PAX3: variants seen among roughly 807,000 people sequenced by gnomAD.
PAX3 encodes the protein paired box protein Pax-3.
PAX3 carries 14 observed loss-of-function variants against 51.6 expected under a neutral mutation model. The observed-to-expected ratio is 0.27, with a 90% CI of 0.18 to 0.42. PAX3 has a LOEUF of 0.42. Ranked by LOEUF, PAX3 falls within the 10% of genes least tolerant of loss-of-function variation. The pLI, the probability that PAX3 is intolerant of heterozygous loss-of-function variation, is 1.00. For missense variants in PAX3, 540 were observed against 642.8 expected (o/e 0.84, Z 1.73); for synonymous variants, 280 against 253.4 (o/e 1.11, Z -1.00).
intron 4 of PAX3, among the ~76,000 whole-genome samples, chr2:222,235,366 G>T (rs76741525): frequency 1.3e-5 from 2 of 152,104 alleles, no homozygotes; most frequent in Non-Finnish European, 1.5e-5. Context: ...GCAAATTTCA[G>T]ATTTGCTCCA....
At chr2:222,229,820 T>A (rs1251333460) in intron 5 of PAX3, among the ~76,000 whole-genome samples, 2 of 152,232 alleles carry the variant, frequency 1.3e-5, no homozygotes, top group African/African-American at 4.8e-5. Context: ...TATAATTCCC[T>A]ATTACTAATA....
intron 7 of PAX3, among the ~76,000 whole-genome samples, chr2:222,203,045 ATATATAT>A (rs1188071453): frequency 7.5e-6 from 1 of 133,192 alleles, no homozygotes; most frequent in East Asian, 2.4e-4. Context: ...ATATATATAT[ATATATAT>A]ATATGAAGTG....
chr2:222,254,664 T>C (rs1235026172), intron 4 of PAX3, among the ~76,000 whole-genome samples: 1 of 152,262 alleles, frequency 6.6e-6, no homozygotes, highest in Non-Finnish European at 1.5e-5. Context: ...GATTATTTCA[T>C]ATTGTTTAAT....
intron 4 of PAX3, among the ~76,000 whole-genome samples, chr2:222,279,906 AC>A (rs1694574942): frequency 6.6e-6 from 1 of 152,174 alleles, no homozygotes; most frequent in East Asian, 1.9e-4. Flanking sequence ...ATATACTGGC[AC>A]CCCATTAGAA....
At chr2:222,220,671 C>T (rs1692160101) in intron 6 of PAX3, among the ~76,000 whole-genome samples, 1 of 152,174 alleles carries the variant, frequency 6.6e-6, no homozygotes, top group Non-Finnish European at 1.5e-5. Flanking sequence ...TGAGAATTAA[C>T]CAATATAAGG....
intron 3 of PAX3, among the ~76,000 whole-genome samples, chr2:222,295,092 C>CCTGAGACTCT (rs1385153175): frequency 1.3e-5 from 2 of 152,044 alleles, no homozygotes; most frequent in African/African-American, 4.8e-5. Flanking sequence ...CCGGACCGTC[C>CCTGAGACTCT]CTGAGACTCT....
rs552297397 is a variant in PAX3 at position 222,207,768 on chromosome 2, T to C, written c.1174-5578A>G. Among the ~76,000 whole-genome samples, 4 of 152,246 alleles carry C rather than the reference T, an allele frequency of 2.6e-5. No individual in the cohort carries two copies. The South Asian group carries it at 8.3e-4, about 32-fold the overall frequency. ...GCAATATTCTTTACGGACTGATGAC[T>C]AAAATATAAATCTAGACAGAGAATT... On this transcript the variant is annotated intron_variant, in intron 7 of 8. Transcript: ENST00000392070.
intron 7 of PAX3, among the ~76,000 whole-genome samples, chr2:222,205,224 G>A (rs376552843): frequency 1.1e-4 from 16 of 152,252 alleles, no homozygotes; most frequent in African/African-American, 2.6e-4. Flanking sequence ...TTGCAGAGCC[G>A]TATTAGGGCA....
intron 5 of PAX3, among the ~76,000 whole-genome samples, chr2:222,231,619 T>A (rs1440150380): frequency 1.3e-5 from 2 of 152,230 alleles, no homozygotes; most frequent in Non-Finnish European, 2.9e-5. Context: ...AGACTCACTT[T>A]GCAGCTATGC....
chr2:222,292,119 A>T (rs1695064804), intron 4 of PAX3, among the ~76,000 whole-genome samples: 1 of 151,994 alleles, frequency 6.6e-6, no homozygotes, highest in Admixed American at 6.6e-5. Flanking sequence ...AGCCCAAAAG[A>T]CTAGAAACAT....
chr2:222,277,780 A>G (rs1357241281), intron 4 of PAX3, among the ~76,000 whole-genome samples: 2 of 152,000 alleles, frequency 1.3e-5, no homozygotes, highest in Non-Finnish European at 2.9e-5. Context: ...CCAAAAATAG[A>G]AAAATTAGCC....
At chr2:222,224,758 G>T (rs1051905270) in intron 5 of PAX3, among the ~76,000 whole-genome samples, 2 of 152,102 alleles carry the variant, frequency 1.3e-5, no homozygotes, top group Non-Finnish European at 2.9e-5. Flanking sequence ...TGAATAATCT[G>T]CAGAATGGCA....
intron 7 of PAX3, among the ~76,000 whole-genome samples, chr2:222,215,075 G>A (rs1691899592): frequency 6.6e-6 from 1 of 152,100 alleles, no homozygotes; most frequent in Non-Finnish European, 1.5e-5. Context: ...TATGGGCTCT[G>A]AGGTTGCAAA....
At chr2:222,277,717 C>T (rs1412967021) in intron 4 of PAX3, among the ~76,000 whole-genome samples, 3 of 152,212 alleles carry the variant, frequency 2.0e-5, no homozygotes, top group South Asian at 2.1e-4. Context: ...AGGCGGATCA[C>T]GAGGTCAAGA....
chr2:222,269,100 T>C (rs1011909958), intron 4 of PAX3, among the ~76,000 whole-genome samples: 1 of 152,248 alleles, frequency 6.6e-6, no homozygotes, highest in Non-Finnish European at 1.5e-5. Flanking sequence ...AGTTAAGTGA[T>C]TGACATGGCC....
rs1199255161 is a variant in PAX3, at chr2:222,228,677, G to A, written c.792+3401C>T. On this transcript the variant is annotated intron_variant, in intron 5 of 8. Coordinates refer to ENST00000392070, the MANE Select transcript of PAX3 (RefSeq NM_181458.4). ...GATCTAGTGCCAGTGGCTCACACCTGTAATCTCAACACTTTGAGACGCTGA... is the reference window on the plus strand; with the variant it reads ...GATCTAGTGCCAGTGGCTCACACCTATAATCTCAACACTTTGAGACGCTGA... Among the ~76,000 whole-genome samples, 3 of 152,130 alleles carry A rather than the reference G, an allele frequency of 2.0e-5. No homozygotes were observed. The East Asian group carries it at 5.8e-4, about 29-fold the overall frequency.
Position 222,201,252 on chromosome 2 carries a change from A to C in PAX3, c.*156T>G. 1 of 1,614,024 alleles carries C rather than the reference A, an allele frequency of 6.2e-7. No individual in the cohort carries two copies. Among genetic ancestry groups the C allele is most frequent in the Non-Finnish European group, 8.5e-7 (1 of 1,179,976 alleles). ...GGATTTGAAACCAACTATTGGAGGAAGAAAATCAATCACTCTCCTTTGTCT... is the reference window on the plus strand; with the variant it reads ...GGATTTGAAACCAACTATTGGAGGACGAAAATCAATCACTCTCCTTTGTCT... On this transcript the variant is annotated 3_prime_UTR_variant, in exon 9 of 9. Coordinates refer to ENST00000392070, the MANE Select transcript of PAX3 (RefSeq NM_181458.4).
chr2:222,207,430 A>C (rs1421481462), intron 7 of PAX3, among the ~76,000 whole-genome samples: 1 of 152,196 alleles, frequency 6.6e-6, no homozygotes, highest in Non-Finnish European at 1.5e-5. Flanking sequence ...GAGTTAGGGA[A>C]AGGCCAAGAC....
chr2:222,232,524 C>T (rs1279672654), intron 4 of PAX3, among the ~76,000 whole-genome samples: 3 of 152,124 alleles, frequency 2.0e-5, no homozygotes, highest in Non-Finnish European at 4.4e-5. Context: ...AGTCCTGCAT[C>T]ATTAAATAAT....
Sources: allele counts gnomAD v4.1 joint callset (sites outside exome capture counted in the v4.1 genomes callset), GRCh38; gene constraint gnomAD v4.1.1; transcripts MANE v1.5; gene names NCBI Gene and HGNC (gene_info 2026-07-23, HGNC 2026-07-21).